CHRNA7: variants seen among roughly 807,000 people sequenced by gnomAD.
CHRNA7 encodes the protein neuronal acetylcholine receptor subunit alpha-7.
A neutral mutation model predicts 48.0 loss-of-function variants in CHRNA7; 17 were observed. The ratio of observed to expected loss-of-function variants is 0.35; its 90% confidence interval spans 0.24 to 0.53. CHRNA7 has a LOEUF of 0.53. Among genes scored for constraint, CHRNA7 ranks in the 20% least tolerant of loss-of-function variants. The pLI, the probability that CHRNA7 is intolerant of heterozygous loss-of-function variation, is 0.92. For missense variants in CHRNA7, 155 were observed against 577.7 expected (o/e 0.27, Z 7.50); for synonymous variants, 75 against 242.3 (o/e 0.31, Z 6.41).
intron 2 of CHRNA7, among the ~76,000 whole-genome samples, chr15:32,074,569 A>G (rs559177108): frequency 6.6e-6 from 1 of 150,932 alleles, no homozygotes; most frequent in African/African-American, 2.4e-5. Context: ...TTTGAGTTTT[A>G]TAATGAATAG....
At chr15:32,073,276 G>T (rs2050086366) in intron 2 of CHRNA7, among the ~76,000 whole-genome samples, 1 of 152,226 alleles carries the variant, frequency 6.6e-6, no homozygotes, top group Non-Finnish European at 1.5e-5. Flanking sequence ...TTTCAGACTT[G>T]TGTGTGGCCT....
chr15:32,152,395 A>T (rs11071594), intron 4 of CHRNA7, among the ~76,000 whole-genome samples: 2 of 151,970 alleles, frequency 1.3e-5, no homozygotes, highest in Non-Finnish European at 2.9e-5. Flanking sequence ...GTGAGCCGAG[A>T]TCGTGCCCCT....
At chr15:32,150,402 G>A (rs1396906616) in intron 4 of CHRNA7, among the ~76,000 whole-genome samples, 1 of 152,122 alleles carries the variant, frequency 6.6e-6, no homozygotes, top group Non-Finnish European at 1.5e-5. Flanking sequence ...GGTGATTGAT[G>A]GGGGAACGCA....
chr15:32,079,065 G>A (rs1355928190), intron 2 of CHRNA7, among the ~76,000 whole-genome samples: 3 of 152,018 alleles, frequency 2.0e-5, no homozygotes, highest in African/African-American at 7.2e-5. Context: ...TCATTATCTC[G>A]ATAAATGCAG....
intron 3 of CHRNA7, among the ~76,000 whole-genome samples, chr15:32,109,751 C>G (rs557898456): frequency 6.6e-6 from 1 of 152,188 alleles, no homozygotes; most frequent in South Asian, 2.1e-4. Context: ...CTGACCCCCC[C>G]GAACTATGGT....
At position 32,032,409 on chromosome 15, in the gene CHRNA7, TTTC is replaced by T. The variant is rs149815337; in HGVS notation, c.195+1375_195+1377del. 6.7e-3 allele frequency among the ~76,000 whole-genome samples: 1,026 copies of T among 152,256 alleles called. 17 individuals are homozygous for T. The highest frequency in any genetic ancestry group is 0.024 in the African/African-American group (990 of 41,532). ...TTCTGGATGGCTGCTGTTAGGTAAG[TTTC>T]TTAAGCATCTTGAGCCTTGGCTTTC... is the stretch of plus-strand genomic sequence containing the variant. On this transcript the variant is annotated intron_variant, in intron 2 of 9. Coordinates refer to ENST00000306901, the MANE Select transcript of CHRNA7 (RefSeq NM_000746.6).
chr15:32,142,577 T>C (rs767710347), intron 4 of CHRNA7, among the ~76,000 whole-genome samples: 6 of 152,202 alleles, frequency 3.9e-5, no homozygotes, highest in Admixed American at 6.5e-5. Context: ...AGGCTATTAA[T>C]TATTGCCTCA....
At chr15:32,105,355 AGAGGAG>A (rs754201060) in intron 3 of CHRNA7, among the ~76,000 whole-genome samples, 1 of 152,108 alleles carries the variant, frequency 6.6e-6, no homozygotes, top group Non-Finnish European at 1.5e-5. Flanking sequence ...AAGAAGGAAA[AGAGGAG>A]GAGAAGGAGG....
At chr15:32,036,178 T>C (rs1902074467) in intron 2 of CHRNA7, among the ~76,000 whole-genome samples, 1 of 152,228 alleles carries the variant, frequency 6.6e-6, no homozygotes, top group African/African-American at 2.4e-5. Context: ...GTTGGAATCA[T>C]ACAGTCTGTA....
chr15:32,111,911 G>T lies in CHRNA7; in HGVS notation c.350+12G>T, dbSNP rs769357181. ...CTTCTCTATAACAGGTAAGCATATT[G>T]AACAAAGGAAAAAAATGATTTTATG... is the stretch of plus-strand genomic sequence containing the variant. On this transcript the variant is annotated intron_variant, in intron 4 of 9. Coordinates refer to ENST00000306901, the MANE Select transcript of CHRNA7 (RefSeq NM_000746.6). 4.8e-6 allele frequency: 7 copies of T among 1,471,634 alleles called. No homozygotes were observed. Among genetic ancestry groups the T allele is most frequent in the Non-Finnish European group, 6.7e-6 (7 of 1,050,934 alleles). 91.2% of individuals were successfully genotyped at this position (1,471,634 alleles called of 1,614,324 possible).
intron 4 of CHRNA7, among the ~76,000 whole-genome samples, chr15:32,114,057 TATAC>T (rs1566848935): frequency 5.9e-5 from 2 of 34,178 alleles, no homozygotes; most frequent in Admixed American, 5.5e-4. Flanking sequence ...TATATATATA[TATAC>T]ATATATATAT....
At chr15:32,120,140 G>A (rs920624762) in intron 4 of CHRNA7, among the ~76,000 whole-genome samples, 1 of 152,140 alleles carries the variant, frequency 6.6e-6, no homozygotes, top group Non-Finnish European at 1.5e-5. Context: ...ATCTCAGGGC[G>A]GGAAGCTGGT....
At chr15:32,050,869 G>C (rs1232995904) in intron 2 of CHRNA7, among the ~76,000 whole-genome samples, 1 of 152,200 alleles carries the variant, frequency 6.6e-6, no homozygotes, top group Middle Eastern at 3.2e-3. Context: ...CTAACAGACA[G>C]GACCCTCAGC....
chr15:32,093,616 G>T (rs571451987), intron 2 of CHRNA7, among the ~76,000 whole-genome samples: 2 of 152,228 alleles, frequency 1.3e-5, no homozygotes, highest in African/African-American at 2.4e-5. Flanking sequence ...CAGTGGTGTT[G>T]CCCGGATCCA....
At chr15:32,152,699 AACC>A (rs2051656326) in intron 4 of CHRNA7, among the ~76,000 whole-genome samples, 1 of 152,142 alleles carries the variant, frequency 6.6e-6, no homozygotes, top group African/African-American at 2.4e-5. Context: ...GACTGGTGTC[AACC>A]CCAGTGTGAC....
intron 4 of CHRNA7, among the ~76,000 whole-genome samples, chr15:32,152,866 A>G (rs973283297): frequency 6.6e-6 from 1 of 152,128 alleles, no homozygotes; most frequent in Non-Finnish European, 1.5e-5. Context: ...AATAAAAGAC[A>G]AGGCTAGTAC....
chr15:32,053,624 A>G (rs975003679), intron 2 of CHRNA7, among the ~76,000 whole-genome samples: 5 of 152,202 alleles, frequency 3.3e-5, no homozygotes, highest in Non-Finnish European at 5.9e-5. Context: ...TATTTTTGAT[A>G]TCTCAAGACA....
At chr15:32,033,696 G>T (rs761641091) in intron 2 of CHRNA7, among the ~76,000 whole-genome samples, 1 of 152,202 alleles carries the variant, frequency 6.6e-6, no homozygotes, top group Non-Finnish European at 1.5e-5. Flanking sequence ...AAATCTCAGC[G>T]CTCTGGACAG....
chr15:32,086,327 C>T (rs978953929), intron 2 of CHRNA7, among the ~76,000 whole-genome samples: 1 of 143,190 alleles, frequency 7.0e-6, no homozygotes, highest in African/African-American at 2.6e-5. Flanking sequence ...CAAGATTGCA[C>T]CACTGCACTC....
Sources: gnomAD v4.1 joint callset for allele counts (sites outside exome capture counted in the v4.1 genomes callset) on GRCh38, gnomAD v4.1.1 for gene constraint, MANE v1.5 for transcripts, NCBI Gene and HGNC (gene_info 2026-07-23, HGNC 2026-07-21) for gene names.